Variants in ZC3HAV1L observed in about 807,000 individuals in gnomAD.
The protein encoded by ZC3HAV1L is ZC3HAV1 like.
Under a neutral mutation model 28.2 loss-of-function variants are expected in ZC3HAV1L, and 23 were observed. The observed-to-expected ratio is 0.82, with a 90% confidence interval of 0.59 to 1.16. The LOEUF (loss-of-function observed/expected upper bound fraction) is 1.16, where lower values mean the gene tolerates loss of function less well. Ranked by LOEUF, ZC3HAV1L falls within the 50% of genes most tolerant of loss-of-function variation. The pLI, the probability that ZC3HAV1L is intolerant of heterozygous loss-of-function variation, is 0.00. For missense variants in ZC3HAV1L, 376 were observed against 387.7 expected (o/e 0.97, Z 0.25); for synonymous variants, 180 against 163.4 (o/e 1.10, Z -0.78).
downstream of ZC3HAV1L, chr7:139,022,509 C>T: frequency 3.6e-6 from 1 of 279,508 alleles, no homozygotes; most frequent in Non-Finnish European, 7.5e-6. Context: ...TTGTGCCCTG[C>T]ACTCCAGCCT....
chr7:139,035,679 C>T lies in ZC3HAV1L; in HGVS notation c.339G>A (p.Leu113=). The change falls in exon 1 of 5, where the codon CTG becomes CTA. Residue 113 remains leucine (L), a synonymous_variant. Transcript: ENST00000275766. The stretch of plus-strand genomic sequence containing the variant: ...AGCAGTCCCGGTTGGGGCACTTGCC[C>T]AGCATGTGCCGGCGGCAGAAGTGCA... ...DQLHFCRRHM[L]GKCPNRDCWS... The T allele has an allele frequency of 6.8e-7, 1 of 1,474,898 alleles. No individual in the cohort carries two copies. Among genetic ancestry groups the T allele is most frequent in the Non-Finnish European group, 8.9e-7 (1 of 1,122,424 alleles). The allele number at this position is 1,474,898 out of a possible 1,614,324, so 91.4% of individuals were successfully genotyped here.
At chr7:139,034,390 T>C (rs1284815805) in intron 2 of ZC3HAV1L, among the ~76,000 whole-genome samples, 153 bp downstream of exon 2, 1 of 152,230 alleles carries the variant, frequency 6.6e-6, no homozygotes, top group Non-Finnish European at 1.5e-5. Flanking sequence ...TATTTCGCCA[T>C]GATAGCAATT....
At chr7:139,034,406 G>A in intron 2 of ZC3HAV1L, 137 bp downstream of exon 2, 2 of 1,361,042 alleles carry the variant, frequency 1.5e-6, no homozygotes, top group Non-Finnish European at 9.9e-7. Flanking sequence ...CAATTATAAA[G>A]GGTACCTTTA....
At chr7:139,035,103 GGCAGCCCCGAACCCCA>G in intron 1 of ZC3HAV1L, 1 of 985,442 alleles carries the variant, frequency 1.0e-6, no homozygotes, top group Non-Finnish European at 1.2e-6. Flanking sequence ...GGGGTCAGGA[GGCAGCCCCGAACCCCA>G]GCTCTGGCAG....
At chr7:139,032,578 T>C (rs1815566443) in intron 2 of ZC3HAV1L, among the ~76,000 whole-genome samples, 1 of 140,920 alleles carries the variant, frequency 7.1e-6, no homozygotes, top group African/African-American at 2.6e-5. Context: ...AGCCGAGACC[T>C]CACCACTGCA....
At position 139,026,790 on chromosome 7, in the gene ZC3HAV1L, C is replaced by T. The variant is rs1815365465; in HGVS notation, c.804G>A (p.Lys268=). ...PSTEHSQGLE[K]QGVHAAGAAE... ...CAGCTCCAGCTGCGTGCACTCCTTGCTTCTCAAGGCCTTGTGAATGCTCAG... is the reference window on the plus strand; with the variant it reads ...CAGCTCCAGCTGCGTGCACTCCTTGTTTCTCAAGGCCTTGTGAATGCTCAG... Residue 268 remains lysine (K), a synonymous_variant, in exon 4 of 5, where the codon AAG becomes AAA. Transcript: ENST00000275766. 1 of 1,614,154 alleles carries T rather than the reference C, an allele frequency of 6.2e-7. No individual in the cohort carries two copies. Among genetic ancestry groups the T allele is most frequent in the Non-Finnish European group, 8.5e-7 (1 of 1,180,018 alleles).
intron 1 of ZC3HAV1L, chr7:139,034,969 C>T: frequency 1.0e-6 from 1 of 985,456 alleles, no homozygotes; most frequent in East Asian, 1.1e-4. Context: ...CTGGCCTTCT[C>T]CCCGGCAACA....
chr7:139,021,881 T>C (rs1297373683), downstream of ZC3HAV1L, among the ~76,000 whole-genome samples: 1 of 152,126 alleles, frequency 6.6e-6, no homozygotes, highest in African/African-American at 2.4e-5. Context: ...ATTTTATATT[T>C]AGAAAGAGCA....
chr7:139,031,392 C>G (rs892663831), intron 2 of ZC3HAV1L, among the ~76,000 whole-genome samples: 1 of 152,164 alleles, frequency 6.6e-6, no homozygotes, highest in African/African-American at 2.4e-5. Flanking sequence ...TGAGATCAGC[C>G]TGAGCAACAT....
chr7:139,026,057 C>T lies in ZC3HAV1L; in HGVS notation c.*487G>A, dbSNP rs143088993. On this transcript the variant is annotated 3_prime_UTR_variant, in exon 5 of 5. Transcript: ENST00000275766. ...GGCTGAGGTGGGATGATCACTTGAG[C>T]CCAGGAAGTCAAGGCTGCAGTGAGC... 3.1e-3 allele frequency: 473 copies of T among 153,836 alleles called. 2 individuals carry two copies. Among genetic ancestry groups the T allele is most frequent in the African/African-American group, 0.01 (435 of 41,452 alleles). The allele number at this position is 153,836 out of a possible 1,614,324, so 9.5% of individuals were successfully genotyped here. A position where few individuals can be genotyped will look rare whatever the true frequency, so the allele number is the denominator to read the frequency against.
At chr7:139,029,453 G>A (rs1024842412) in intron 2 of ZC3HAV1L, among the ~76,000 whole-genome samples, 4 of 152,126 alleles carry the variant, frequency 2.6e-5, no homozygotes, top group African/African-American at 9.7e-5. Context: ...CCATACTCCC[G>A]CTGCTGTGGG....
At position 139,034,889 on chromosome 7, in the gene ZC3HAV1L, A is replaced by T. The variant is rs140101557; in HGVS notation, c.366-211T>A. The stretch of plus-strand genomic sequence containing the variant: ...TCCCAGGGTCATTTGAATTTTCAGT[A>T]GGGATGCTTTGAAGCCAAGGGTCGC... On this transcript the variant is annotated intron_variant, in intron 1 of 4. Transcript: ENST00000275766. 6.3e-3 allele frequency: 6,170 copies of T among 985,434 alleles called. 24 individuals are homozygous for T. The highest frequency in any genetic ancestry group is 6.8e-3 in the Non-Finnish European group (5,650 of 829,932). The allele number at this position is 985,434 out of a possible 1,614,324, so 61.0% of individuals were successfully genotyped here.
chr7:139,034,817 A>G, intron 1 of ZC3HAV1L, 139 bp from the exon 2 acceptor site: 2 of 1,413,058 alleles, frequency 1.4e-6, no homozygotes, highest in Non-Finnish European at 1.8e-6. Flanking sequence ...AGTATGGCCT[A>G]ATAAGCACTG....
At chr7:139,034,728 C>T (rs2130639395) in intron 1 of ZC3HAV1L, 50 bp from the exon 2 acceptor site, 2 of 1,596,512 alleles carry the variant, frequency 1.3e-6, no homozygotes, top group Non-Finnish European at 1.7e-6. Flanking sequence ...AAGGACCAGT[C>T]TGTCCAATTC....
intron 2 of ZC3HAV1L, chr7:139,033,888 C>T: frequency 1.0e-6 from 1 of 985,430 alleles, no homozygotes; most frequent in East Asian, 1.1e-4. Flanking sequence ...CTACTGCTTG[C>T]ATCTACTTTG....
At chr7:139,027,002 G>C (rs1207747650) in intron 3 of ZC3HAV1L, among the ~76,000 whole-genome samples, 169 bp from the exon 4 acceptor site, 1 of 147,698 alleles carries the variant, frequency 6.8e-6, no homozygotes, top group Non-Finnish European at 1.5e-5. Flanking sequence ...ATAAAAAATA[G>C]AGAGAGAGAG....
downstream of ZC3HAV1L, among the ~76,000 whole-genome samples, chr7:139,023,182 GAAAAAA>G (rs565321825): frequency 3.9e-5 from 4 of 103,122 alleles, no homozygotes; most frequent in Non-Finnish European, 7.3e-5. Flanking sequence ...AAGGAAAAAA[GAAAAAA>G]AAAAAAAAAA....
chr7:139,035,377 C>A (rs548679086), intron 1 of ZC3HAV1L: 18 of 984,932 alleles, frequency 1.8e-5, no homozygotes, highest in Middle Eastern at 5.2e-4. Flanking sequence ...TTAACCCGGC[C>A]GCGTCGCGCA....
Position 139,028,891 on chromosome 7 carries a change from A to T in ZC3HAV1L, c.571T>A (p.Phe191Ile). 6.2e-7 allele frequency: 1 copy of T among 1,614,128 alleles called. No homozygotes were observed. The highest frequency in any genetic ancestry group is 8.5e-7 in the Non-Finnish European group (1 of 1,180,034). Residue 191 changes from phenylalanine (F) to isoleucine (I), a missense_variant, in exon 3 of 5, where the codon TTT becomes ATT. By Grantham distance (21) the Phe-to-Ile change is conservative (BLOSUM62 0). Coordinates refer to ENST00000275766, the MANE Select transcript of ZC3HAV1L (RefSeq NM_080660.4). Reference protein sequence around the residue: ...YCNLKDKCNKFHVCKSFVKGE... With the variant: ...YCNLKDKCNKIHVCKSFVKGE... ...TTCACAAAGGATTTGCACACATGAA[A>T]CTTGTTGCATTTATCCTTGAGGTTG...
Sources: gnomAD v4.1 joint callset for allele counts (sites outside exome capture counted in the v4.1 genomes callset) on GRCh38, gnomAD v4.1.1 for gene constraint, MANE v1.5 for transcripts, NCBI Gene and HGNC (gene_info 2026-07-23, HGNC 2026-07-21) for gene names.